Variants in FAM234B observed in about 807,000 individuals in gnomAD.
FAM234B encodes protein FAM234B.
Under a neutral mutation model 69.3 loss-of-function variants are expected in FAM234B, and 33 were observed. The observed-to-expected ratio is 0.48, with a 90% CI of 0.36 to 0.64. The LOEUF (loss-of-function observed/expected upper bound fraction) is 0.64, where lower values mean the gene tolerates loss of function less well. FAM234B is among the 30% of genes least tolerant of loss of function. FAM234B has a pLI of 0.00. For synonymous variants in FAM234B, 306 were observed against 306.9 expected (o/e 1.00, Z 0.03); for missense variants, 697 against 769.7 (o/e 0.91, Z 1.12).
At chr12:13,054,400 C>T (rs1404970803) in intron 1 of FAM234B, among the ~76,000 whole-genome samples, 1 of 152,144 alleles carries the variant, frequency 6.6e-6, no homozygotes, top group Non-Finnish European at 1.5e-5. Context: ...ATTTGGGGTC[C>T]TTGCCTTCCC....
intron 10 of FAM234B, among the ~76,000 whole-genome samples, chr12:13,072,474 G>A (rs1255763074): frequency 6.6e-6 from 1 of 152,146 alleles, no homozygotes; most frequent in East Asian, 1.9e-4. Flanking sequence ...GCTCATGCCT[G>A]TAATCCCAGC....
Position 13,061,615 on chromosome 12 carries a change from G to A in FAM234B, c.573G>A (p.Gly191=), listed in dbSNP as rs1308694407. The change falls in exon 4 of 13, where the codon GGG becomes GGA. Residue 191 remains glycine (G), a synonymous_variant. Coordinates refer to ENST00000197268, the MANE Select transcript of FAM234B (RefSeq NM_020853.2). The part of the protein sequence containing the change: ...RPAANLVCLS[G]MNGSTLWSSL... The stretch of plus-strand genomic sequence containing the variant: ...CTGCTAATCTTGTATGCCTTTCGGG[G>A]ATGAATGGCAGCACACTGTGGTCTA... 1 of 1,613,808 alleles carries A rather than the reference G, an allele frequency of 6.2e-7. No individual in the cohort carries two copies. Among genetic ancestry groups the A allele is most frequent in the Admixed American group, 1.7e-5 (1 of 59,992 alleles).
At chr12:13,079,144 A>G (rs919304375) in intron 11 of FAM234B, among the ~76,000 whole-genome samples, 2 of 152,218 alleles carry the variant, frequency 1.3e-5, no homozygotes, top group African/African-American at 4.8e-5. Context: ...AAACTATACT[A>G]CAAGGCTACA....
rs1335103378 is a variant in FAM234B, at chr12:13,061,708, C to T, written c.666C>T (p.Thr222=). The T allele has an allele frequency of 6.2e-7, 1 of 1,614,130 alleles. No homozygotes were observed. Among genetic ancestry groups the T allele is most frequent in the African/African-American group, 1.3e-5 (1 of 75,032 alleles). ...LELMPGSLAE[T]ICLVTGTHKM... ...TGATGCCAGGAAGCTTGGCTGAAACCATCTGCCTTGTGACAGGGACACACA... is the reference window on the plus strand; with the variant it reads ...TGATGCCAGGAAGCTTGGCTGAAACTATCTGCCTTGTGACAGGGACACACA... The change falls in exon 4 of 13, where the codon ACC becomes ACT. Residue 222 remains threonine, a synonymous_variant. Coordinates refer to ENST00000197268, the MANE Select transcript of FAM234B (RefSeq NM_020853.2).
intron 3 of FAM234B, among the ~76,000 whole-genome samples, chr12:13,059,156 G>A (rs540837485): frequency 1.3e-4 from 20 of 152,252 alleles, no homozygotes; most frequent in Non-Finnish European, 2.6e-4. Flanking sequence ...AGAGTGTGAG[G>A]GGAGGTATTC....
chr12:13,052,729 T>C (rs1202973664), intron 1 of FAM234B, among the ~76,000 whole-genome samples: 1 of 152,024 alleles, frequency 6.6e-6, no homozygotes, highest in Non-Finnish European at 1.5e-5. Flanking sequence ...TTTAGCGTAA[T>C]GTCCTCAAGG....
At chr12:13,062,675 G>A in intron 4 of FAM234B, 170 bp from the exon 5 acceptor site, 2 of 581,802 alleles carry the variant, frequency 3.4e-6, no homozygotes, top group Non-Finnish European at 3.0e-6. Flanking sequence ...GGATCACACT[G>A]CCTGCTTCCT....
intron 3 of FAM234B, among the ~76,000 whole-genome samples, chr12:13,060,370 A>G (rs1864971760): frequency 6.6e-6 from 1 of 152,154 alleles, no homozygotes. Context: ...CCTTCTCTAG[A>G]GTTCTGATGG....
At chr12:13,072,179 C>G (rs1430506297) in intron 10 of FAM234B, among the ~76,000 whole-genome samples, 1 of 152,160 alleles carries the variant, frequency 6.6e-6, no homozygotes, top group African/African-American at 2.4e-5. Context: ...AGGCAGGATC[C>G]TGAATTCATC....
chr12:13,073,143 C>G (rs1488805565), intron 10 of FAM234B, among the ~76,000 whole-genome samples: 1 of 149,142 alleles, frequency 6.7e-6, no homozygotes. Context: ...TGTTATCATT[C>G]TTTTTTTGTC....
Position 13,067,976 on chromosome 12 carries a change from T to C in FAM234B, c.1143-328T>C, listed in dbSNP as rs962028426. Among the ~76,000 whole-genome samples, 4 of 152,246 alleles carry C rather than the reference T, an allele frequency of 2.6e-5. No individual in the cohort carries two copies. Among genetic ancestry groups the C allele is most frequent in the Non-Finnish European group, 4.4e-5 (3 of 68,040 alleles). On this transcript the variant is annotated intron_variant, in intron 7 of 12. Transcript: ENST00000197268. This position sits in a 1 kb window ranked among gnomAD's most constrained non-coding sequence, Gnocchi z 4.7. ...AGCTCATTGGCAACCTCTGGCCTCC[T>C]GTCCAGATCTCTGTCTGCCTTCCCT...
intron 1 of FAM234B, among the ~76,000 whole-genome samples, chr12:13,047,533 T>C (rs1221712927): frequency 3.9e-5 from 6 of 152,204 alleles, no homozygotes; most frequent in Non-Finnish European, 5.9e-5. Context: ...TGAAAACGTT[T>C]GGGTATGGTA....
intron 11 of FAM234B, among the ~76,000 whole-genome samples, chr12:13,079,072 G>T (rs991736874): frequency 2.6e-5 from 4 of 152,084 alleles, no homozygotes; most frequent in Non-Finnish European, 5.9e-5. Flanking sequence ...AAAAGAGCCC[G>T]TATCACCAAG....
At chr12:13,056,060 C>G (rs775405555) in intron 2 of FAM234B, 114 bp downstream of exon 2, 101 of 1,098,900 alleles carry the variant, frequency 9.2e-5, no homozygotes, top group African/African-American at 1.7e-4. Flanking sequence ...CATTCCCCAC[C>G]CTGCCGTCCC....
chr12:13,080,029 T>C lies in FAM234B; in HGVS notation c.1863+20T>C, dbSNP rs1467464791. 1.3e-6 allele frequency: 2 copies of C among 1,537,898 alleles called. No homozygotes were observed. The highest frequency in any genetic ancestry group is 1.2e-5 in the South Asian group (1 of 81,086). On this transcript the variant is annotated intron_variant, in intron 12 of 12. Transcript: ENST00000197268. ...TACGAGGTGAGTGGCTGCAGAAATA[T>C]TGTTCCTCTTGAGGGTTTAGGACAA...
At chr12:13,056,649 G>A (rs947181417) in intron 2 of FAM234B, among the ~76,000 whole-genome samples, 1 of 152,136 alleles carries the variant, frequency 6.6e-6, no homozygotes, top group Non-Finnish European at 1.5e-5. Context: ...AGCTTCTGAT[G>A]AGTTCTGTGT....
Position 13,080,631 on chromosome 12 carries a change from T to C in FAM234B, c.*1T>C. The C allele has an allele frequency of 6.2e-7, 1 of 1,605,350 alleles. No individual in the cohort carries two copies. Among genetic ancestry groups the C allele is most frequent in the South Asian group, 1.1e-5 (1 of 90,874 alleles). On this transcript the variant is annotated 3_prime_UTR_variant, in exon 13 of 13. Coordinates refer to ENST00000197268, the MANE Select transcript of FAM234B (RefSeq NM_020853.2). ...GATAACTCTTTTTCCATAGATCTAA[T>C]CTGATGGAATCTTCAGTTGCAGAAG...
chr12:13,062,600 T>G, intron 4 of FAM234B: 1 of 365,512 alleles, frequency 2.7e-6, no homozygotes, highest in Non-Finnish European at 5.0e-6. Context: ...GCACCTCCAT[T>G]TTATCTAAAA....
At chr12:13,056,349 T>C (rs1421113486) in intron 2 of FAM234B, among the ~76,000 whole-genome samples, 47 of 152,200 alleles carry the variant, frequency 3.1e-4, no homozygotes, top group Admixed American at 3.0e-3. Context: ...ATGATAGAGG[T>C]CTGATCTAAT....
Sources: gnomAD v4.1 joint callset for allele counts (sites outside exome capture counted in the v4.1 genomes callset) on GRCh38, gnomAD v4.1.1 for gene constraint, Gnocchi (gnomAD v3.1) non-coding constraint, MANE v1.5 for transcripts, NCBI Gene and HGNC (gene_info 2026-07-23, HGNC 2026-07-21) for gene names.